Variants in GRID2 observed in about 807,000 individuals in gnomAD.
The protein encoded by GRID2 is glutamate receptor ionotropic, delta-2.
In GRID2, 33 loss-of-function variants were observed where a neutral mutation model predicts 114.8. That is an observed-to-expected ratio of 0.29 (90% CI 0.22 to 0.38). The LOEUF (loss-of-function observed/expected upper bound fraction) is 0.38, where lower values mean the gene tolerates loss of function less well. Among genes scored for constraint, GRID2 ranks in the 10% least tolerant of loss-of-function variants. The pLI is 1.00. For missense variants in GRID2, 1,184 were observed against 1,257.7 expected (o/e 0.94, Z 0.89); for synonymous variants, 505 against 449.9 (o/e 1.12, Z -1.55).
At chr4:92,966,133 A>C (rs373600304) in intron 2 of GRID2, among the ~76,000 whole-genome samples, 2 of 151,954 alleles carry the variant, frequency 1.3e-5, no homozygotes, top group African/African-American at 4.8e-5. Context: ...ACATTCTGAC[A>C]GGTACTATGG....
Position 92,847,419 on chromosome 4 carries a change from A to G in GRID2, c.245-237576A>G, listed in dbSNP as rs138738452. On this transcript the variant is annotated intron_variant, in intron 2 of 15. Coordinates refer to ENST00000282020, the MANE Select transcript of GRID2 (RefSeq NM_001510.4). ...ATAAGCACTCAATAGCTGCTACATG[A>G]TTTAAGTTATATCTCGCTGGCCTCT... Among the ~76,000 whole-genome samples the G allele has an allele frequency of 1.7e-3, 263 of 152,120 alleles. 3 individuals are homozygous for G. The East Asian group carries it at 0.047, about 27-fold the overall frequency.
intron 13 of GRID2, among the ~76,000 whole-genome samples, chr4:93,570,054 A>T (rs977782692): frequency 1.3e-5 from 2 of 152,214 alleles, no homozygotes; most frequent in Non-Finnish European, 2.9e-5. Context: ...TGTGAAATGT[A>T]TCATCAATGT....
At chr4:93,557,106 A>G (rs1272021102) in intron 13 of GRID2, among the ~76,000 whole-genome samples, 17 of 152,188 alleles carry the variant, frequency 1.1e-4, no homozygotes, top group Admixed American at 1.1e-3. Flanking sequence ...ACATATGGAG[A>G]GGAAAAAACG....
intron 2 of GRID2, among the ~76,000 whole-genome samples, chr4:92,712,532 C>T (rs11944213): frequency 0.79 from 120,455 of 151,964 alleles, 48,790 homozygotes; most frequent in African/African-American, 0.95. Flanking sequence ...TCCAGTAGAT[C>T]AGCATTCCCC....
At chr4:92,977,523 A>T (rs1030680100) in intron 2 of GRID2, among the ~76,000 whole-genome samples, 2 of 152,206 alleles carry the variant, frequency 1.3e-5, no homozygotes, top group Non-Finnish European at 2.9e-5. Context: ...GGTAAAAAAT[A>T]TAGATTTTAT....
chr4:92,377,269 A>C (rs1425900777), intron 1 of GRID2, among the ~76,000 whole-genome samples: 1 of 152,134 alleles, frequency 6.6e-6, no homozygotes. Flanking sequence ...AGTTCCACAC[A>C]TCTCTGGGAT....
At chr4:93,725,711 A>G (rs1439965755) in intron 14 of GRID2, among the ~76,000 whole-genome samples, 1 of 151,424 alleles carries the variant, frequency 6.6e-6, no homozygotes, top group Non-Finnish European at 1.5e-5. Flanking sequence ...TGTGGTTTTG[A>G]TTTGCATTTC....
intron 2 of GRID2, among the ~76,000 whole-genome samples, chr4:93,053,628 A>G (rs1726937310): frequency 1.3e-5 from 2 of 152,000 alleles, no homozygotes; most frequent in African/African-American, 4.8e-5. Context: ...TGGTGTTAAG[A>G]GTCATATTTG....
intron 14 of GRID2, among the ~76,000 whole-genome samples, chr4:93,743,139 A>C (rs1731558270): frequency 6.6e-6 from 1 of 152,252 alleles, no homozygotes; most frequent in African/African-American, 2.4e-5. Flanking sequence ...AGATCATACC[A>C]GCCATAATAT....
At chr4:92,955,713 A>C (rs1194324153) in intron 2 of GRID2, among the ~76,000 whole-genome samples, 2 of 151,994 alleles carry the variant, frequency 1.3e-5, no homozygotes, top group African/African-American at 4.8e-5. Flanking sequence ...CTGAATGGTA[A>C]TGCCTAGGTT....
intron 8 of GRID2, among the ~76,000 whole-genome samples, chr4:93,355,087 C>A (rs1003507799): frequency 2.0e-5 from 3 of 151,726 alleles, no homozygotes; most frequent in Admixed American, 6.6e-5. Flanking sequence ...ATATTTCTTG[C>A]TCATGCTTAT....
intron 2 of GRID2, among the ~76,000 whole-genome samples, chr4:93,034,935 C>T (rs961162611): frequency 1.3e-5 from 2 of 152,048 alleles, no homozygotes; most frequent in African/African-American, 4.8e-5. Context: ...TTCTTTCAGT[C>T]GTTTTAAGAA....
rs922645697 is a variant in GRID2 at position 92,423,999 on chromosome 4, G to A, written c.88+119255G>A. Among the ~76,000 whole-genome samples the A allele has an allele frequency of 2.7e-4, 41 of 152,108 alleles. 3 individuals are homozygous for A. Among genetic ancestry groups the A allele is most frequent in the Admixed American group, 2.3e-3 (35 of 15,254 alleles). On this transcript the variant is annotated intron_variant, in intron 1 of 15. Transcript: ENST00000282020. ...TCTGGGCTTCTATGCTCTTCAAGTA[G>A]TGTTAAACCAATTTCCTTTGAATTG... is the stretch of plus-strand genomic sequence containing the variant.
At chr4:92,406,403 A>G (rs953880754) in intron 1 of GRID2, among the ~76,000 whole-genome samples, 3 of 152,166 alleles carry the variant, frequency 2.0e-5, no homozygotes, top group African/African-American at 7.2e-5. Context: ...ATGCCCAGTA[A>G]TGTACATTAA....
intron 2 of GRID2, among the ~76,000 whole-genome samples, chr4:92,997,897 T>C (rs1171663120): frequency 6.6e-6 from 1 of 151,990 alleles, no homozygotes; most frequent in South Asian, 2.1e-4. Flanking sequence ...CAGCAAAACA[T>C]AATGAAATGT....
intron 13 of GRID2, among the ~76,000 whole-genome samples, chr4:93,525,199 C>G (rs1730764766): frequency 6.6e-6 from 1 of 151,966 alleles, no homozygotes; most frequent in South Asian, 2.1e-4. Context: ...AAGGATGAGG[C>G]TACTTCAGAT....
chr4:92,364,884 T>G (rs1728776981), intron 1 of GRID2, among the ~76,000 whole-genome samples: 1 of 152,128 alleles, frequency 6.6e-6, no homozygotes, highest in Non-Finnish European at 1.5e-5. Context: ...GAATATATTT[T>G]AAAACTGATA....
intron 1 of GRID2, among the ~76,000 whole-genome samples, chr4:92,547,669 A>C (rs1726332374): frequency 6.9e-6 from 1 of 144,128 alleles, no homozygotes; most frequent in Admixed American, 7.2e-5. Flanking sequence ...CTGAAAAGGA[A>C]CTTTTTTTTT....
At chr4:92,749,931 G>C (rs915638379) in intron 2 of GRID2, among the ~76,000 whole-genome samples, 1 of 150,822 alleles carries the variant, frequency 6.6e-6, no homozygotes, top group African/African-American at 2.4e-5. Flanking sequence ...GTGAGATCTC[G>C]GCTGACTGCA....
Sources: gnomAD v4.1 joint callset for allele counts (sites outside exome capture counted in the v4.1 genomes callset) on GRCh38, gnomAD v4.1.1 for gene constraint, MANE v1.5 for transcripts, NCBI Gene and HGNC (gene_info 2026-07-23, HGNC 2026-07-21) for gene names.